The following DAGLA variants were observed in gnomAD, a reference collection of about 807,000 sequenced individuals.
The protein encoded by DAGLA is diacylglycerol lipase alpha.
DAGLA carries 22 observed loss-of-function variants against 102.6 expected under a neutral mutation model. That is an observed-to-expected ratio of 0.21 (90% CI 0.15 to 0.31). The LOEUF is 0.31. Ranked by LOEUF, DAGLA falls within the 10% of genes least tolerant of loss-of-function variation. The pLI is 1.00. For missense variants in DAGLA, 927 were observed against 1,446.6 expected (o/e 0.64, Z 5.83); for synonymous variants, 578 against 628.9 (o/e 0.92, Z 1.21).
rs1199559571 is a variant in DAGLA at position 61,745,612 on chromosome 11, G to A, written c.*1123G>A. ...ACTGCCCAGGGAGGGGCCTGGGGCTGGGAGCAGTCCCGGTTTAGCCTGAGG... is the reference window on the plus strand; with the variant it reads ...ACTGCCCAGGGAGGGGCCTGGGGCTAGGAGCAGTCCCGGTTTAGCCTGAGG... On this transcript the variant is annotated 3_prime_UTR_variant, in exon 20 of 20. Transcript: ENST00000257215. 2 of 152,798 alleles carry A rather than the reference G, an allele frequency of 1.3e-5. No individual in the cohort carries two copies. Among genetic ancestry groups the A allele is most frequent in the Non-Finnish European group, 2.9e-5 (2 of 68,112 alleles). 9.5% of individuals were successfully genotyped at this position (152,798 alleles called of 1,614,324 possible).
chr11:61,712,411 G>A lies in DAGLA; in HGVS notation c.-44-7701G>A, dbSNP rs183551485. Among the ~76,000 whole-genome samples, 6 of 152,290 alleles carry A rather than the reference G, an allele frequency of 3.9e-5. No individual in the cohort carries two copies. In the East Asian group the frequency reaches 9.6e-4, roughly 24 times the overall value. Reference sequence around the variant, plus strand: ...GCCATCCTGGGGGAGAGTGGGAAAGGCGTTTGTTAGCCTAAGACCCTGGGC... The same window carrying A: ...GCCATCCTGGGGGAGAGTGGGAAAGACGTTTGTTAGCCTAAGACCCTGGGC... On this transcript the variant is annotated intron_variant, in intron 1 of 19. Transcript: ENST00000257215.
intron 8 of DAGLA, among the ~76,000 whole-genome samples, chr11:61,730,239 C>A (rs1294563232): frequency 1.3e-5 from 2 of 152,026 alleles, no homozygotes; most frequent in East Asian, 3.9e-4. Context: ...GTTCTCACCA[C>A]CTTCTCCCTC....
At chr11:61,699,408 C>T (rs1356294571) in intron 1 of DAGLA, among the ~76,000 whole-genome samples, 1 of 152,166 alleles carries the variant, frequency 6.6e-6, no homozygotes, top group Non-Finnish European at 1.5e-5. Context: ...CACCCCACAC[C>T]CACAGGTGGC....
chr11:61,734,883 C>T lies in DAGLA; in HGVS notation c.1009C>T (p.Pro337Ser). 8.7e-6 allele frequency: 14 copies of T among 1,614,074 alleles called. No homozygotes were observed. The highest frequency in any genetic ancestry group is 1.2e-5 in the Non-Finnish European group (14 of 1,179,938). The change falls in exon 10 of 20, where the codon CCT becomes TCT. Residue 337 changes from proline (P) to serine (S), a missense_variant. This residue lies in a region of DAGLA where 44 missense variants were observed against 44.0 expected (regional missense o/e 1.00). Coordinates refer to ENST00000257215, the MANE Select transcript of DAGLA (RefSeq NM_006133.3). This position sits in a 1 kb window ranked among gnomAD's most constrained non-coding sequence, Gnocchi z 4.2. ...GTGTCCTGCGAGGCCGCGGTTCGCC[C>T]CTGGAGTCACCATCGAGGAAGACAA... The part of the protein sequence containing the change: ...CLCPARPRFA[P>S]GVTIEEDNCC...
intron 12 of DAGLA, 31 bp from the exon 13 acceptor site, chr11:61,736,239 C>T (rs1248441994): frequency 1.2e-6 from 2 of 1,602,070 alleles, no homozygotes; most frequent in African/African-American, 1.3e-5. Context: ...AGGCCTCCCA[C>T]CAACACCTGC....
chr11:61,726,559 C>T (rs150399447), intron 6 of DAGLA, among the ~76,000 whole-genome samples: 38 of 152,320 alleles, frequency 2.5e-4, no homozygotes, highest in Non-Finnish European at 4.7e-4. Context: ...GAAGACAGGG[C>T]CAGCTGGGGG....
chr11:61,742,749 T>TGC, intron 19 of DAGLA, among the ~76,000 whole-genome samples: 1 of 152,004 alleles, frequency 6.6e-6, no homozygotes. Flanking sequence ...CTTCCCTGTC[T>TGC]CCCTGCTGCC....
chr11:61,683,418 A>G (rs933104372), intron 1 of DAGLA, among the ~76,000 whole-genome samples: 3 of 152,124 alleles, frequency 2.0e-5, no homozygotes, highest in African/African-American at 7.2e-5. Context: ...GCAGTGCTTC[A>G]TACCTCCCCC....
Position 61,736,324 on chromosome 11 carries a change from C to T in DAGLA, c.1345C>T (p.Leu449=), listed in dbSNP as rs1213835605. ...IKKKLEQEMV[L]SQAFGRDLGR... is the part of the protein sequence containing the mutation. The stretch of plus-strand genomic sequence containing the variant: ...GAAGAAACTGGAGCAGGAGATGGTC[C>T]TGTCCCAGGCCTTTGGGCGAGACCT... Residue 449 remains leucine, a synonymous_variant, in exon 13 of 20, where the codon CTG becomes TTG. Transcript: ENST00000257215. 1.2e-6 allele frequency: 2 copies of T among 1,614,146 alleles called. No homozygotes were observed. The highest frequency in any genetic ancestry group is 1.7e-6 in the Non-Finnish European group (2 of 1,180,000).
intron 1 of DAGLA, among the ~76,000 whole-genome samples, chr11:61,691,656 G>A (rs898689448): frequency 6.6e-6 from 1 of 152,288 alleles, no homozygotes; most frequent in South Asian, 2.1e-4. Context: ...GCGCTTTGGA[G>A]CAGTTGATTT....
At chr11:61,722,121 A>G (rs1257496684) in intron 3 of DAGLA, among the ~76,000 whole-genome samples, 1 of 152,240 alleles carries the variant, frequency 6.6e-6, no homozygotes, top group Non-Finnish European at 1.5e-5. Context: ...CTTGCTGGGA[A>G]ATAGTTTCCA....
chr11:61,717,424 G>A (rs557215994), intron 1 of DAGLA, among the ~76,000 whole-genome samples: 1 of 151,998 alleles, frequency 6.6e-6, no homozygotes, highest in African/African-American at 2.4e-5. Context: ...CAGCCCAGGC[G>A]GGAGGGGTGG....
At chr11:61,729,796 C>T (rs1162088940) in intron 8 of DAGLA, among the ~76,000 whole-genome samples, 1 of 152,112 alleles carries the variant, frequency 6.6e-6, no homozygotes, top group Admixed American at 6.5e-5. Flanking sequence ...CTTTAGGCCA[C>T]GTGTGCTGCC....
chr11:61,700,304 C>CAGCCTGTCTGCAGGCCCTCCTGCAAGGAG (rs577797819), intron 1 of DAGLA, among the ~76,000 whole-genome samples: 3,295 of 152,194 alleles, frequency 0.022, 112 homozygotes, highest in African/African-American at 0.074. Context: ...TTTTCTGCAG[C>CAGCCTGTCTGCAGGCCCTCCTGCAAGGAG]AGCCTGTCTG....
chr11:61,687,508 T>G (rs1408713860), intron 1 of DAGLA, among the ~76,000 whole-genome samples: 1 of 152,186 alleles, frequency 6.6e-6, no homozygotes, highest in Non-Finnish European at 1.5e-5. Flanking sequence ...ATTTTTGTTT[T>G]AGTACAGATG....
At chr11:61,701,425 C>T (rs530378625) in intron 1 of DAGLA, among the ~76,000 whole-genome samples, 175 of 152,330 alleles carry the variant, frequency 1.1e-3, no homozygotes, top group African/African-American at 3.9e-3. Flanking sequence ...GCTGCCGAGG[C>T]TCGGGCATGT....
chr11:61,736,272 T>C lies in DAGLA; in HGVS notation c.1293T>C (p.Gly431=). 1 of 1,613,994 alleles carries C rather than the reference T, an allele frequency of 6.2e-7. No individual in the cohort carries two copies. Among genetic ancestry groups the C allele is most frequent in the Non-Finnish European group, 8.5e-7 (1 of 1,179,912 alleles). ...TGCTTCTGTTCCTGCCCACCCAGGG[T>C]ATGGTCCTCTCAGCTGAGTACATCA... is the stretch of plus-strand genomic sequence containing the variant. The part of the protein sequence containing the change: ...GHHGTWLGHK[G]MVLSAEYIKK... The change falls in exon 13 of 20, where the codon GGT becomes GGC. Residue 431 remains glycine (G), a splice_region_variant and synonymous_variant. Coordinates refer to ENST00000257215, the MANE Select transcript of DAGLA (RefSeq NM_006133.3).
At chr11:61,717,257 AG>A (rs1002958194) in intron 1 of DAGLA, among the ~76,000 whole-genome samples, 1 of 152,132 alleles carries the variant, frequency 6.6e-6, no homozygotes, top group African/African-American at 2.4e-5. Flanking sequence ...CGGGGTCTCT[AG>A]AGAAAGGGCA....
rs370950838 is a variant in DAGLA at position 61,726,032 on chromosome 11, C to T, written c.586C>T (p.Arg196Cys). 4 of 1,613,552 alleles carry T rather than the reference C, an allele frequency of 2.5e-6. No homozygotes were observed. The highest frequency in any genetic ancestry group is 3.4e-6 in the Non-Finnish European group (4 of 1,180,042). ...LEEGQATSWS[R>C]RLKVFLCCTR... ...GGAGGGTCAAGCCACCAGCTGGTCG[C>T]GCCGGCTCAAAGTGTTCCTCTGCTG... The change falls in exon 6 of 20, where the codon CGC (arginine) becomes TGC (cysteine). Residue 196 changes from arginine to cysteine, a missense_variant. Transcript: ENST00000257215.
Sources: allele counts gnomAD v4.1 joint callset (sites outside exome capture counted in the v4.1 genomes callset), GRCh38; gene constraint gnomAD v4.1.1; regional missense constraint gnomAD v4.1.1; non-coding constraint Gnocchi (gnomAD v3.1); transcripts MANE v1.5; gene names NCBI Gene and HGNC (gene_info 2026-07-23, HGNC 2026-07-21).